Variants in BMP2K observed in about 807,000 individuals in gnomAD.
The protein encoded by BMP2K is BMP2 inducible kinase, also known as BMP-2-inducible protein kinase.
A neutral mutation model predicts 116.0 loss-of-function variants in BMP2K; 74 were observed. The ratio of observed to expected loss-of-function variants is 0.64; its 90% CI spans 0.53 to 0.77. The LOEUF is 0.77. Ranked by LOEUF, BMP2K falls within the 30% of genes least tolerant of loss-of-function variation. BMP2K has a pLI of 0.00. For missense variants in BMP2K, 1,365 were observed against 1,403.6 expected, an observed-to-expected ratio of 0.97 and a Z score of 0.44; for synonymous variants, 486 against 502.5, an observed-to-expected ratio of 0.97 and a Z score of 0.44.
intron 1 of BMP2K, among the ~76,000 whole-genome samples, chr4:78,823,475 C>CAT (rs548492768): frequency 1.4e-4 from 21 of 146,184 alleles, no homozygotes; most frequent in South Asian, 4.3e-4. Context: ...CTCTCTCTCT[C>CAT]ATATATATAT....
At chr4:78,875,399 A>G (rs1292353922) in intron 13 of BMP2K, among the ~76,000 whole-genome samples, 1 of 152,208 alleles carries the variant, frequency 6.6e-6, no homozygotes, top group Non-Finnish European at 1.5e-5. Context: ...ATCTTTTGCT[A>G]AACTTTCTAC....
At chr4:78,860,880 G>A (rs559392331) in intron 8 of BMP2K, among the ~76,000 whole-genome samples, 1 of 144,854 alleles carries the variant, frequency 6.9e-6, no homozygotes, top group Non-Finnish European at 1.5e-5. Flanking sequence ...AGACTCATTC[G>A]ACATTTACTC....
At chr4:78,878,411 T>C (rs1480389964) in intron 13 of BMP2K, among the ~76,000 whole-genome samples, 1 of 152,230 alleles carries the variant, frequency 6.6e-6, no homozygotes, top group Non-Finnish European at 1.5e-5. Flanking sequence ...TTAAATTATT[T>C]AATCTTCTCA....
At chr4:78,784,278 T>A (rs1025024833) in intron 1 of BMP2K, among the ~76,000 whole-genome samples, 1 of 152,244 alleles carries the variant, frequency 6.6e-6, no homozygotes, top group African/African-American at 2.4e-5. Context: ...TTAAGAGTCT[T>A]GAACTACCAT....
intron 1 of BMP2K, 92 bp from the exon 2 acceptor site, chr4:78,825,945 T>C: frequency 1.0e-6 from 1 of 981,792 alleles, no homozygotes; most frequent in Non-Finnish European, 1.6e-6. Context: ...CAATCATTGT[T>C]TATTTTCCTC....
At chr4:78,879,456 A>G (rs1732793643) in intron 14 of BMP2K, 1 of 973,284 alleles carries the variant, frequency 1.0e-6, no homozygotes, top group Non-Finnish European at 1.2e-6. Context: ...CAATGTTTTT[A>G]CTTGGAATCA....
chr4:78,870,994 G>A lies in BMP2K; in HGVS notation c.1443G>A (p.Gln481=), dbSNP rs1440525645. 1.3e-6 allele frequency: 2 copies of A among 1,514,698 alleles called. No individual in the cohort carries two copies. The highest frequency in any genetic ancestry group is 9.1e-7 in the Non-Finnish European group (1 of 1,102,106). 93.8% of individuals were successfully genotyped at this position (1,514,698 alleles called of 1,614,324 possible). A position where few individuals can be genotyped will look rare whatever the true frequency, so the allele number is the denominator to read the frequency against. ...AGCAGCAACAGCAACAGCAGCAGCA[G>A]CAGCAGCAGCAGCAGCACCACCACC... ...QQQQQQQQQQ[Q]QQQQQHHHHH... The change falls in exon 11 of 16, where the codon CAG becomes CAA. Residue 481 remains glutamine (Q), a synonymous_variant. Coordinates refer to ENST00000502613, the MANE Select transcript of BMP2K (RefSeq NM_198892.2).
chr4:78,902,673 C>T (rs17003486), intron 15 of BMP2K, among the ~76,000 whole-genome samples: 11,296 of 152,042 alleles, frequency 0.074, 1,273 homozygotes, highest in African/African-American at 0.25. Flanking sequence ...AACAAAATTT[C>T]CCTGACACTG....
At chr4:78,811,961 T>G (rs373970327) in intron 1 of BMP2K, among the ~76,000 whole-genome samples, 1 of 152,164 alleles carries the variant, frequency 6.6e-6, no homozygotes. Flanking sequence ...CTGAAGTTAT[T>G]TTTTAAAAAG....
At chr4:78,878,679 ATTTAT>A (rs1290628950) in intron 13 of BMP2K, 50 bp from the exon 14 acceptor site, 1 of 1,387,910 alleles carries the variant, frequency 7.2e-7, no homozygotes, top group Non-Finnish European at 9.8e-7. Flanking sequence ...GTAAATTTTT[ATTTAT>A]TTTAATTTTT....
intron 15 of BMP2K, 83 bp downstream of exon 15, chr4:78,887,367 C>T (rs201533591): frequency 2.0e-6 from 2 of 983,962 alleles, no homozygotes; most frequent in Non-Finnish European, 3.1e-6. Context: ...GGAAGTAAGA[C>T]TCTGATGTTA....
At chr4:78,838,933 A>G (rs1730621533) in intron 3 of BMP2K, among the ~76,000 whole-genome samples, 1 of 152,220 alleles carries the variant, frequency 6.6e-6, no homozygotes, top group Non-Finnish European at 1.5e-5. Context: ...AGAAATCAGT[A>G]TTGGTATTTT....
rs890506252 is a variant in BMP2K at position 78,776,645 on chromosome 4, C to T, written c.102C>T (p.Ser34=). The T allele has an allele frequency of 3.3e-6, 4 of 1,222,194 alleles. No homozygotes were observed. Among genetic ancestry groups the T allele is most frequent in the Non-Finnish European group, 4.1e-6 (4 of 977,804 alleles). The allele number at this position is 1,222,194 out of a possible 1,614,324, so 75.7% of individuals were successfully genotyped here. A position where few individuals can be genotyped will look rare whatever the true frequency, so the allele number is the denominator to read the frequency against. ...CCGGGGCCGGGGCCGGCTGCGGCTC[C>T]GGCGGCTCGTCCGTGGGGGTCCGGG... is the stretch of plus-strand genomic sequence containing the variant. The part of the protein sequence containing the change: ...GGAGAGAGCG[S]GGSSVGVRVF... The change falls in exon 1 of 16, where the codon TCC becomes TCT. Residue 34 remains serine (S), a synonymous_variant. Transcript: ENST00000502613.
Position 78,841,990 on chromosome 4 carries a change from TTGTG to T in BMP2K, c.404-392_404-389del, listed in dbSNP as rs1226318484. Among the ~76,000 whole-genome samples, 10 of 152,234 alleles carry T rather than the reference TTGTG, an allele frequency of 6.6e-5. No individual in the cohort carries two copies. The East Asian group carries it at 1.9e-3, about 29-fold the overall frequency. ...TATATAATTATTACAATATATCTATTTGTGTGATTGCTTCTACCTTTAGACTGTA... is the reference window on the plus strand; with the variant it reads ...TATATAATTATTACAATATATCTATTTGATTGCTTCTACCTTTAGACTGTA... On this transcript the variant is annotated intron_variant, in intron 3 of 15. Transcript: ENST00000502613.
At chr4:78,788,304 G>A (rs908789403) in intron 1 of BMP2K, among the ~76,000 whole-genome samples, 2 of 151,610 alleles carry the variant, frequency 1.3e-5, no homozygotes, top group South Asian at 4.2e-4. Context: ...GGCTTTTGAT[G>A]GTGTCTTCTA....
chr4:78,858,281 G>C (rs1178263171), intron 7 of BMP2K, among the ~76,000 whole-genome samples: 2 of 151,842 alleles, frequency 1.3e-5, no homozygotes, highest in Admixed American at 1.3e-4. Context: ...TTTAATATCT[G>C]TTGGTATCAA....
At chr4:78,879,606 A>C (rs2110067774) in intron 14 of BMP2K, 1 of 207,260 alleles carries the variant, frequency 4.8e-6, no homozygotes, top group East Asian at 1.8e-4. Context: ...GTATGTAGAT[A>C]ATTTTCAGGT....
intron 13 of BMP2K, among the ~76,000 whole-genome samples, chr4:78,875,687 G>C (rs1378947032): frequency 6.6e-6 from 1 of 152,222 alleles, no homozygotes; most frequent in South Asian, 2.1e-4. Context: ...TGGGTCGGCT[G>C]TCCTCTGAAG....
chr4:78,855,590 T>C (rs1345355112), intron 7 of BMP2K, among the ~76,000 whole-genome samples: 1 of 152,182 alleles, frequency 6.6e-6, no homozygotes, highest in Non-Finnish European at 1.5e-5. Flanking sequence ...AGGCAGCTCC[T>C]TTAGCTTCTA....
Sources: gnomAD v4.1 joint callset for allele counts (sites outside exome capture counted in the v4.1 genomes callset) on GRCh38, gnomAD v4.1.1 for gene constraint, MANE v1.5 for transcripts, NCBI Gene and HGNC (gene_info 2026-07-23, HGNC 2026-07-21) for gene names.